ARSG: variants seen among roughly 807,000 people sequenced by gnomAD.
ARSG encodes ASG.
Under a neutral mutation model 50.5 loss-of-function variants are expected in ARSG, and 37 were observed. The observed-to-expected ratio is 0.73, with a 90% CI of 0.56 to 0.96. The LOEUF is 0.96. Among genes scored for constraint, ARSG ranks in the 50% least tolerant of loss-of-function variants. The probability of loss-of-function intolerance (pLI) is 0.00; values close to 1 mark genes in which losing one functional copy is unlikely to be tolerated. For synonymous variants in ARSG, 225 were observed against 254.6 expected (o/e 0.88, Z 1.11); for missense variants, 629 against 675.3 (o/e 0.93, Z 0.76).
intron 10 of ARSG, 51 bp from the exon 11 acceptor site, chr17:68,401,309 C>A: frequency 1.3e-6 from 2 of 1,522,434 alleles, no homozygotes; most frequent in South Asian, 1.1e-5. Flanking sequence ...AGGCATGAGT[C>A]ACCGAGTTCT....
At chr17:68,291,950 C>G (rs2145250516) in intron 1 of ARSG, among the ~76,000 whole-genome samples, 1 of 152,022 alleles carries the variant, frequency 6.6e-6, no homozygotes, top group Non-Finnish European at 1.5e-5. Flanking sequence ...CCGGGCAGAA[C>G]AGGTTCCTTC....
downstream of ARSG, chr17:68,426,240 G>GGC: frequency 1.8e-6 from 2 of 1,131,482 alleles, no homozygotes; most frequent in Admixed American, 2.0e-5. Context: ...TGACCTGGCG[G>GGC]GTGGGGAGCG....
At chr17:68,386,079 G>A (rs550688723) in intron 9 of ARSG, among the ~76,000 whole-genome samples, 3 of 152,226 alleles carry the variant, frequency 2.0e-5, no homozygotes, top group South Asian at 2.1e-4. Context: ...TCTTATTGCC[G>A]CCTTAAGGCA....
intron 2 of ARSG, among the ~76,000 whole-genome samples, chr17:68,337,844 C>T (rs1249820889): frequency 6.6e-6 from 1 of 152,006 alleles, no homozygotes; most frequent in Non-Finnish European, 1.5e-5. Context: ...CTCGAACTCC[C>T]AACCTCAGGT....
chr17:68,272,998 T>A (rs1426331262), intron 1 of ARSG, among the ~76,000 whole-genome samples: 3 of 151,924 alleles, frequency 2.0e-5, no homozygotes, highest in East Asian at 1.9e-4. Flanking sequence ...TTTTTTTTTT[T>A]ATCTTTGCAA....
At chr17:68,438,042 G>A in the ARSG span, among the ~76,000 whole-genome samples, 1 of 149,280 alleles carries the variant, frequency 6.7e-6, no homozygotes, top group Non-Finnish European at 1.5e-5. Context: ...AAAAACTTTA[G>A]GTCAGGCTGA....
chr17:68,323,859 G>C (rs2077391780), intron 2 of ARSG, among the ~76,000 whole-genome samples: 1 of 152,068 alleles, frequency 6.6e-6, no homozygotes, highest in African/African-American at 2.4e-5. Flanking sequence ...GATCACCTGA[G>C]GTCAGGAGTT....
Position 68,420,345 on chromosome 17 carries a change from C to T in ARSG, c.1460C>T (p.Ala487Val). The change falls in exon 12 of 12, where the codon GCA becomes GTA. Residue 487 changes from alanine to valine, a missense_variant. By Grantham distance (64) the Ala-to-Val change is moderately conservative. Transcript: ENST00000621439. ...AVLPEVRKVLADVLQDIANDN... is the reference protein window; with the variant it reads ...AVLPEVRKVLVDVLQDIANDN... ...CTGCCCGAGGTCAGAAAGGTTCTTG[C>T]AGACGTCCTCCAAGACATTGCCAAC... 6.2e-7 allele frequency: 1 copy of T among 1,614,168 alleles called. No homozygotes were observed. The highest frequency in any genetic ancestry group is 1.1e-5 in the South Asian group (1 of 91,082).
At chr17:68,416,771 C>A (rs868063652) in intron 11 of ARSG, among the ~76,000 whole-genome samples, 1 of 142,244 alleles carries the variant, frequency 7.0e-6, no homozygotes, top group Admixed American at 7.7e-5. Context: ...CTGAGACTTT[C>A]CAGAGCATTT....
chr17:68,355,398 G>A (rs1224293799), intron 5 of ARSG, among the ~76,000 whole-genome samples: 2 of 152,132 alleles, frequency 1.3e-5, no homozygotes. Flanking sequence ...TGCTCTTGTC[G>A]CCCAGGCTGT....
chr17:68,330,990 G>GA (rs2077713355), intron 2 of ARSG, among the ~76,000 whole-genome samples: 1 of 87,388 alleles, frequency 1.1e-5, no homozygotes, highest in South Asian at 4.0e-4. Context: ...GGGGGGGGGG[G>GA]AGGTGGTGGG....
At position 68,399,826 on chromosome 17, in the gene ARSG, A is replaced by G. The variant is rs2081396851; in HGVS notation, c.1213-1534A>G. On this transcript the variant is annotated intron_variant, in intron 10 of 11. Transcript: ENST00000621439. The surrounding 1 kb of genome is among the most constrained non-coding windows in gnomAD (Gnocchi z 4.6). ...CCGCGTGCATCGTATATCAGTTGAC[A>G]ATAGATTTTCCAAGTCTCCCACTTC... Among the ~76,000 whole-genome samples the G allele has an allele frequency of 6.6e-6, 1 of 152,226 alleles. No individual in the cohort carries two copies. Among genetic ancestry groups the G allele is most frequent in the African/African-American group, 2.4e-5 (1 of 41,460 alleles).
downstream of ARSG, chr17:68,426,296 C>T: frequency 1.3e-6 from 1 of 770,410 alleles, no homozygotes; most frequent in East Asian, 2.6e-5. Flanking sequence ...TGTCTGTCTT[C>T]CCCCTGGAGG....
intron 1 of ARSG, among the ~76,000 whole-genome samples, chr17:68,298,032 G>A (rs1409172679): frequency 6.7e-6 from 1 of 148,196 alleles, no homozygotes; most frequent in African/African-American, 2.5e-5. Flanking sequence ...TTTCAGGTAA[G>A]GGAGGAAACT....
chr17:68,359,132 CA>C (rs1464110554), intron 6 of ARSG, among the ~76,000 whole-genome samples: 7 of 152,126 alleles, frequency 4.6e-5, no homozygotes, highest in African/African-American at 1.4e-4. Flanking sequence ...CACTGCACTC[CA>C]GCCTGGGCGA....
chr17:68,414,854 AT>A (rs2082269348), intron 11 of ARSG, among the ~76,000 whole-genome samples: 1 of 151,850 alleles, frequency 6.6e-6, no homozygotes, highest in African/African-American at 2.4e-5. Flanking sequence ...GATCTTTTGT[AT>A]TTTTGTGATG....
chr17:68,290,330 TAAAAA>T (rs2075942874), upstream of ARSG, among the ~76,000 whole-genome samples: 2 of 152,140 alleles, frequency 1.3e-5, no homozygotes, highest in South Asian at 4.1e-4. Flanking sequence ...GTGGGGGGAA[TAAAAA>T]GAAAAGACGA....
At chr17:68,288,415 CAG>C, upstream of ARSG, among the ~76,000 whole-genome samples, 1 of 152,260 alleles carries the variant, frequency 6.6e-6, no homozygotes, top group Middle Eastern at 3.4e-3. Context: ...CTGTAAGTTC[CAG>C]AATATAAAAG....
chr17:68,393,217 A>G (rs966178418), intron 9 of ARSG, among the ~76,000 whole-genome samples: 4 of 152,212 alleles, frequency 2.6e-5, no homozygotes, highest in East Asian at 1.9e-4. Context: ...GTGATCAACC[A>G]TGGTCTATAA....
Sources: allele counts gnomAD v4.1 joint callset (sites outside exome capture counted in the v4.1 genomes callset), GRCh38; gene constraint gnomAD v4.1.1; non-coding constraint Gnocchi (gnomAD v3.1); transcripts MANE v1.5; gene names NCBI Gene and HGNC (gene_info 2026-07-23, HGNC 2026-07-21).